The following CSGALNACT1 variants were observed in gnomAD, a reference collection of about 807,000 sequenced individuals.
The protein encoded by CSGALNACT1 is beta4GalNAcT-1.
A neutral mutation model predicts 51.0 loss-of-function variants in CSGALNACT1; 52 were observed. The ratio of observed to expected loss-of-function variants is 1.02; its 90% CI spans 0.82 to 1.29. The LOEUF is 1.29. Ranked by LOEUF, CSGALNACT1 falls within the 50% of genes most tolerant of loss-of-function variation. The probability of loss-of-function intolerance (pLI) is 0.00; values close to 1 mark genes in which losing one functional copy is unlikely to be tolerated. For missense variants in CSGALNACT1, 935 were observed against 679.2 expected (o/e 1.38, Z -4.19); for synonymous variants, 341 against 254.4 (o/e 1.34, Z -3.24).
chr8:19,554,121 C>T (rs1363875506), intron 3 of CSGALNACT1, among the ~76,000 whole-genome samples: 1 of 152,072 alleles, frequency 6.6e-6, no homozygotes, highest in Non-Finnish European at 1.5e-5. Context: ...ACAAAGCCCA[C>T]AGCTGAACAT....
chr8:19,542,427 G>A (rs1043731645), intron 3 of CSGALNACT1, among the ~76,000 whole-genome samples: 3 of 152,150 alleles, frequency 2.0e-5, no homozygotes, highest in Non-Finnish European at 2.9e-5. Flanking sequence ...TTAAACAAGA[G>A]GCTCCATAGT....
At chr8:19,605,636 G>A (rs974373982), upstream of CSGALNACT1, among the ~76,000 whole-genome samples, 14 of 152,124 alleles carry the variant, frequency 9.2e-5, no homozygotes, top group African/African-American at 3.1e-4. Context: ...GAGGCAGGAT[G>A]TGCGTGAGAG....
In CSGALNACT1 at chr8:19,630,560, G is replaced by C. The variant is rs147134895; in HGVS notation, c.-543-28695C>G. ...CTGTGGGTTCTGCCAAATGTATAAT[G>C]AGGTGTACCCACCATTACAGTATCA... On this transcript the variant is annotated intron_variant, in intron 1 of 9. Transcript: ENST00000332246. Among the ~76,000 whole-genome samples, 730 of 151,852 alleles carry C rather than the reference G, an allele frequency of 4.8e-3. 5 individuals are homozygous for C. The highest frequency in any genetic ancestry group is 0.016 in the African/African-American group (659 of 41,172).
intron 1 of CSGALNACT1, among the ~76,000 whole-genome samples, chr8:19,740,394 G>C (rs1465774630): frequency 2.0e-5 from 3 of 152,182 alleles, no homozygotes; most frequent in Non-Finnish European, 4.4e-5. Context: ...GCTTGGGGTG[G>C]GGGCAGCACC....
intron 3 of CSGALNACT1, among the ~76,000 whole-genome samples, chr8:19,529,303 G>A (rs890491622): frequency 1.3e-5 from 2 of 152,108 alleles, no homozygotes; most frequent in African/African-American, 4.8e-5. Context: ...GAGAGTGAGT[G>A]AGCAGTAGTT....
intron 5 of CSGALNACT1, chr8:19,457,862 T>C (rs931185091): frequency 1.6e-6 from 2 of 1,271,494 alleles, no homozygotes; most frequent in African/African-American, 1.5e-5. Context: ...GCTACAAAAA[T>C]GTGGGCTTGA....
chr8:19,669,101 T>C (rs1049226344), intron 1 of CSGALNACT1, among the ~76,000 whole-genome samples: 8 of 152,226 alleles, frequency 5.3e-5, no homozygotes, highest in African/African-American at 1.9e-4. Context: ...AGTCTAGACA[T>C]GTGGATTTCA....
At chr8:19,417,045 G>C (rs967074960) in intron 8 of CSGALNACT1, among the ~76,000 whole-genome samples, 7 of 151,890 alleles carry the variant, frequency 4.6e-5, no homozygotes, top group African/African-American at 1.7e-4. Context: ...TAGTAGAGAT[G>C]GGTTTTGACA....
intron 1 of CSGALNACT1, among the ~76,000 whole-genome samples, chr8:19,713,624 G>T (rs1294634898): frequency 6.6e-6 from 1 of 152,084 alleles, no homozygotes; most frequent in Non-Finnish European, 1.5e-5. Context: ...TGATGAAAAA[G>T]GCAGACACTG....
intron 4 of CSGALNACT1, among the ~76,000 whole-genome samples, chr8:19,475,348 G>C (rs923825198): frequency 6.6e-6 from 1 of 152,214 alleles, no homozygotes; most frequent in Non-Finnish European, 1.5e-5. Flanking sequence ...GCCACCACGA[G>C]GGTTTTGGGG....
chr8:19,651,915 G>GTT (rs113483995), intron 1 of CSGALNACT1, among the ~76,000 whole-genome samples: 63 of 109,562 alleles, frequency 5.8e-4, no homozygotes, highest in African/African-American at 1.2e-3. Flanking sequence ...CTCGCTGTCT[G>GTT]TTTTTTTTTG....
intron 1 of CSGALNACT1, among the ~76,000 whole-genome samples, chr8:19,680,707 G>A (rs938352401): frequency 6.6e-6 from 1 of 152,072 alleles, no homozygotes; most frequent in Non-Finnish European, 1.5e-5. Context: ...CCGAATGACT[G>A]TGATAGGTCT....
At chr8:19,428,493 T>G (rs1005287392) in intron 6 of CSGALNACT1, among the ~76,000 whole-genome samples, 3 of 152,088 alleles carry the variant, frequency 2.0e-5, no homozygotes, top group Admixed American at 2.0e-4. Flanking sequence ...GCCCCCATGA[T>G]TAAATGCTCT....
At chr8:19,608,044 G>A (rs979247561) in intron 1 of CSGALNACT1, among the ~76,000 whole-genome samples, 1 of 152,214 alleles carries the variant, frequency 6.6e-6, no homozygotes, top group African/African-American at 2.4e-5. Flanking sequence ...CAGGCTAACT[G>A]ATGAAGAGTA....
At chr8:19,545,432 A>G (rs886218754) in intron 3 of CSGALNACT1, among the ~76,000 whole-genome samples, 2 of 152,232 alleles carry the variant, frequency 1.3e-5, no homozygotes, top group South Asian at 2.1e-4. Context: ...CCTCATGCCT[A>G]TAACTTTTGT....
At chr8:19,445,948 G>C (rs2153783270) in intron 5 of CSGALNACT1, among the ~76,000 whole-genome samples, 1 of 152,308 alleles carries the variant, frequency 6.6e-6, no homozygotes, top group African/African-American at 2.4e-5. Context: ...GCCGAGGCAG[G>C]AGGATCACTT....
chr8:19,412,821 T>C (rs1274922647), intron 8 of CSGALNACT1, among the ~76,000 whole-genome samples: 2 of 152,018 alleles, frequency 1.3e-5, no homozygotes, highest in African/African-American at 4.8e-5. Context: ...GTGTCCAGGC[T>C]GGGGGCCCCC....
At chr8:19,561,823 G>A (rs747460247) in intron 3 of CSGALNACT1, among the ~76,000 whole-genome samples, 21 of 152,204 alleles carry the variant, frequency 1.4e-4, no homozygotes, top group Non-Finnish European at 2.2e-4. Context: ...TGATTACAGG[G>A]AGAAGAGGAG....
chr8:19,522,138 G>T (rs900358532), intron 3 of CSGALNACT1, among the ~76,000 whole-genome samples: 1 of 152,152 alleles, frequency 6.6e-6, no homozygotes, highest in Admixed American at 6.5e-5. Context: ...TCAGCATAGT[G>T]CCTGTAACAG....
Sources: allele counts gnomAD v4.1 joint callset (sites outside exome capture counted in the v4.1 genomes callset), GRCh38; gene constraint gnomAD v4.1.1; transcripts MANE v1.5; gene names NCBI Gene and HGNC (gene_info 2026-07-23, HGNC 2026-07-21).